Variants in TSEN54 observed in about 807,000 individuals in gnomAD.
TSEN54 encodes the protein tRNA-splicing endonuclease subunit Sen54.
Under a neutral mutation model 61.9 loss-of-function variants are expected in TSEN54, and 55 were observed. That is an observed-to-expected ratio of 0.89 (90% CI 0.72 to 1.11). The LOEUF is 1.11. Ranked by LOEUF, TSEN54 falls within the 50% of genes most tolerant of loss-of-function variation. The pLI is 0.00. For synonymous variants in TSEN54, 304 were observed against 288.7 expected (o/e 1.05, Z -0.54); for missense variants, 760 against 687.7 (o/e 1.11, Z -1.18).
intron 10 of TSEN54, 27 bp downstream of exon 10, chr17:75,523,806 C>T (rs754467330): frequency 3.3e-5 from 53 of 1,608,840 alleles, no homozygotes; most frequent in Non-Finnish European, 4.4e-5. Context: ...CACTGCCCCT[C>T]CCCCAGCTGC....
At position 75,517,662 on chromosome 17, in the gene TSEN54, G is replaced by C. The variant is rs1336620609; in HGVS notation, c.468+7G>C. 6.2e-7 allele frequency: 1 copy of C among 1,612,156 alleles called. No homozygotes were observed. On this transcript the variant is annotated splice_region_variant and intron_variant, in intron 5 of 10. Transcript: ENST00000333213. The stretch of plus-strand genomic sequence containing the variant: ...GACCTTCCTGCAGTACCAGGTATCT[G>C]CCACCACCCCGCCTCCGGGAGCCAC...
Position 75,517,594 on chromosome 17 carries a change from C to A in TSEN54, c.407C>A (p.Ser136Tyr), listed in dbSNP as rs2053387166. ...CTCTTCCACCAAGACCTGCCACTGTCTATCCAGGAAGCTTACCAGCTGCTG... is the reference window on the plus strand; with the variant it reads ...CTCTTCCACCAAGACCTGCCACTGTATATCCAGGAAGCTTACCAGCTGCTG... Reference protein sequence around the residue: ...IHLFHQDLPLSIQEAYQLLLT... With the variant: ...IHLFHQDLPLYIQEAYQLLLT... The change falls in exon 5 of 11, where the codon TCT becomes TAT. Residue 136 changes from serine to tyrosine, a missense_variant. Physicochemically the swap from Ser to Tyr is moderately radical, Grantham distance 144. Transcript: ENST00000333213. The A allele has an allele frequency of 6.2e-7, 1 of 1,613,886 alleles. No homozygotes were observed. The highest frequency in any genetic ancestry group is 8.5e-7 in the Non-Finnish European group (1 of 1,180,032).
rs752218773 is a variant in TSEN54 at position 75,524,471 on chromosome 17, G to A, written c.*59G>A. ...GGGGGACCGGGACTGTCTGTTCTCA[G>A]GGACCATCTCGGCTGCCTCCTGTAC... is the stretch of plus-strand genomic sequence containing the variant. On this transcript the variant is annotated 3_prime_UTR_variant, in exon 11 of 11. Transcript: ENST00000333213. The A allele has an allele frequency of 1.2e-6, 2 of 1,608,740 alleles. No individual in the cohort carries two copies. Among genetic ancestry groups the A allele is most frequent in the Non-Finnish European group, 1.7e-6 (2 of 1,177,698 alleles).
intron 10 of TSEN54, 139 bp downstream of exon 10, chr17:75,523,918 C>A: frequency 1.1e-6 from 1 of 950,166 alleles, no homozygotes; most frequent in Non-Finnish European, 1.7e-6. Context: ...AAGTGACCTA[C>A]ACAAGGCCAC....
In TSEN54 at chr17:75,524,384, TCACGTTG is replaced by T. The variant is rs1412592018; in HGVS notation, c.1555_1561del (p.Thr519ProfsTer61). 6.2e-7 allele frequency: 1 copy of T among 1,614,086 alleles called. No individual in the cohort carries two copies. The highest frequency in any genetic ancestry group is 8.5e-7 in the Non-Finnish European group (1 of 1,180,052). On this transcript the variant is annotated frameshift_variant, in exon 11 of 11. Coordinates refer to ENST00000333213, the MANE Select transcript of TSEN54 (RefSeq NM_207346.3). LOFTEE classifies it high-confidence loss of function. ...ATCTCCTTCTACAGCTTCAGGGACT[TCACGTTG>T]CCCCAGGATGTGGGGCACTGACCTC...
intron 5 of TSEN54, chr17:75,518,583 C>G: frequency 1.0e-6 from 1 of 985,400 alleles, no homozygotes; most frequent in Non-Finnish European, 1.2e-6. Context: ...GGCTCCCTAC[C>G]AGAAACTTCC....
At chr17:75,522,670 A>C in intron 8 of TSEN54, 3 of 658,482 alleles carry the variant, frequency 4.6e-6, no homozygotes, top group Non-Finnish European at 6.9e-6. Context: ...CAAGTGAAAG[A>C]AAGGCTTGCT....
chr17:75,522,624 A>ATCTAACAGGTTGGGATC, intron 8 of TSEN54: 2 of 1,131,630 alleles, frequency 1.8e-6, no homozygotes, highest in Non-Finnish European at 2.4e-6. Context: ...CTGTGATCCC[A>ATCTAACAGGTTGGGATC]ACCTGTTAGA....
At chr17:75,518,040 G>C (rs1205304306) in intron 5 of TSEN54, among the ~76,000 whole-genome samples, 1 of 152,190 alleles carries the variant, frequency 6.6e-6, no homozygotes, top group Non-Finnish European at 1.5e-5. Flanking sequence ...AAGAACCCAG[G>C]ATTACCGCCC....
rs759701548 is a variant in TSEN54 at position 75,524,327 on chromosome 17, C to G, written c.1496C>G (p.Pro499Arg). Reference sequence around the variant, plus strand: ...TTGTCTTACCAGAGTGGGGATGTCCCTCTGATCTTTGCCCTGGTGGATCAT... The same window carrying G: ...TTGTCTTACCAGAGTGGGGATGTCCGTCTGATCTTTGCCCTGGTGGATCAT... ...KRLSYQSGDVPLIFALVDHGD... is the reference protein window; with the variant it reads ...KRLSYQSGDVRLIFALVDHGD... Residue 499 changes from proline (P) to arginine (R), a missense_variant, in exon 11 of 11, where the codon CCT becomes CGT. By Grantham distance (103) the Pro-to-Arg change is moderately radical. This residue lies in a region of TSEN54 where 83 missense variants were observed against 82.9 expected (regional missense o/e 1.00). Transcript: ENST00000333213. 22 of 1,614,216 alleles carry G rather than the reference C, an allele frequency of 1.4e-5. No individual in the cohort carries two copies. Among genetic ancestry groups the G allele is most frequent in the Non-Finnish European group, 1.8e-5 (21 of 1,180,046 alleles).
chr17:75,522,929 C>T, intron 8 of TSEN54: 1 of 368,918 alleles, frequency 2.7e-6, no homozygotes, highest in East Asian at 6.6e-5. Flanking sequence ...ACCCGTAATC[C>T]CAGCACTTTG....
In TSEN54 at chr17:75,522,236, G is replaced by A; in HGVS notation, c.1155G>A (p.Leu385=). 1 of 1,547,680 alleles carries A rather than the reference G, an allele frequency of 6.5e-7. No homozygotes were observed. The highest frequency in any genetic ancestry group is 8.7e-7 in the Non-Finnish European group (1 of 1,145,430). The change falls in exon 8 of 11, where the codon CTG becomes CTA. Residue 385 remains leucine (L), a synonymous_variant. Transcript: ENST00000333213. ...GCTGGCGGGAGTACAAGGAGCTGCT[G>A]CAGCGGCGGCAGGTGCAGAGGAGCC... The part of the protein sequence containing the change: ...CSSWREYKEL[L]QRRQVQRSQR...
Position 75,523,284 on chromosome 17 carries a change from T to A in TSEN54, c.1262T>A (p.Leu421His). 1 of 1,614,178 alleles carries A rather than the reference T, an allele frequency of 6.2e-7. No individual in the cohort carries two copies. The highest frequency in any genetic ancestry group is 1.1e-5 in the South Asian group (1 of 91,088). Reference sequence around the variant, plus strand: ...TTCTGTGTCCTTGTAGCCGTGGTCCTTCAGCATATCTCTGTGCTGCAGACA... The same window carrying A: ...TTCTGTGTCCTTGTAGCCGTGGTCCATCAGCATATCTCTGTGCTGCAGACA... ...PGQASSPAVV[L>H]QHISVLQTTH... The change falls in exon 9 of 11, where the codon CTT becomes CAT. Residue 421 changes from leucine to histidine, a missense_variant. Physicochemically the swap from Leu to His is moderately conservative, Grantham distance 99 (BLOSUM62 -3). Coordinates refer to ENST00000333213, the MANE Select transcript of TSEN54 (RefSeq NM_207346.3).
chr17:75,524,696 G>A lies in TSEN54; in HGVS notation c.*284G>A, dbSNP rs553663522. The stretch of plus-strand genomic sequence containing the variant: ...CCTTTAACGAGAGGGTGCCTGCTTC[G>A]TGCTATAAAGCCAAAGCCATTAAAA... On this transcript the variant is annotated 3_prime_UTR_variant, in exon 11 of 11. Coordinates refer to ENST00000333213, the MANE Select transcript of TSEN54 (RefSeq NM_207346.3). The A allele has an allele frequency of 8.7e-5, 46 of 528,178 alleles. No individual in the cohort carries two copies. Among genetic ancestry groups the A allele is most frequent in the African/African-American group, 8.0e-4 (42 of 52,328 alleles). The allele number at this position is 528,178 out of a possible 1,614,324, so 32.7% of individuals were successfully genotyped here. A position where few individuals can be genotyped will look rare whatever the true frequency, so the allele number is the denominator to read the frequency against.
In TSEN54 at chr17:75,521,115, T is replaced by TAGTC. The variant is rs146381969; in HGVS notation, c.522-291_522-290insCAGT. Among the ~76,000 whole-genome samples, 33,678 of 152,142 alleles carry TAGTC rather than the reference T, an allele frequency of 0.22. 4,083 individuals carry two copies. Among genetic ancestry groups the TAGTC allele is most frequent in the African/African-American group, 0.31 (12,697 of 41,470 alleles). On this transcript the variant is annotated intron_variant, in intron 6 of 10. Coordinates refer to ENST00000333213, the MANE Select transcript of TSEN54 (RefSeq NM_207346.3). ...TAGAAAAAAATATATGGAGAGAGAT[T>TAGTC]AGTGTGTACATAAACGAAAGAAAGA...
intron 5 of TSEN54, chr17:75,518,516 G>C (rs1228671718): frequency 1.0e-5 from 10 of 985,084 alleles, no homozygotes; most frequent in Non-Finnish European, 1.2e-5. Flanking sequence ...GCAGGATGGG[G>C]GACATTCTTA....
At position 75,524,523 on chromosome 17, in the gene TSEN54, GC is replaced by G; in HGVS notation, c.*113del. Reference sequence around the variant, plus strand: ...CAGACTCTAACCTGTAGCTTCAGAGGCCAGTCTGGGCCTTGGCCCTGGGTGT... The same window carrying G: ...CAGACTCTAACCTGTAGCTTCAGAGGCAGTCTGGGCCTTGGCCCTGGGTGT... On this transcript the variant is annotated 3_prime_UTR_variant, in exon 11 of 11. Coordinates refer to ENST00000333213, the MANE Select transcript of TSEN54 (RefSeq NM_207346.3). The G allele has an allele frequency of 7.4e-7, 1 of 1,348,248 alleles. No individual in the cohort carries two copies. The highest frequency in any genetic ancestry group is 1.1e-6 in the Non-Finnish European group (1 of 951,236). 83.5% of individuals were successfully genotyped at this position (1,348,248 alleles called of 1,614,324 possible).
intron 5 of TSEN54, 72 bp from the exon 6 acceptor site, chr17:75,518,923 T>G: frequency 6.2e-7 from 1 of 1,606,102 alleles, no homozygotes; most frequent in Non-Finnish European, 8.5e-7. Flanking sequence ...GGGGATGGCC[T>G]GTGTCTGGAG....
chr17:75,520,663 C>A (rs2053418162), intron 6 of TSEN54, among the ~76,000 whole-genome samples: 1 of 151,150 alleles, frequency 6.6e-6, no homozygotes, highest in Non-Finnish European at 1.5e-5. Context: ...AGCCTTAATT[C>A]ACAGCCAGGA....
Sources: gnomAD v4.1 joint callset for allele counts (sites outside exome capture counted in the v4.1 genomes callset) on GRCh38, gnomAD v4.1.1 for gene constraint, gnomAD v4.1.1 regional missense constraint, MANE v1.5 for transcripts, NCBI Gene and HGNC (gene_info 2026-07-23, HGNC 2026-07-21) for gene names.